The following RGS5 variants were observed in gnomAD, a reference collection of about 807,000 sequenced individuals.
RGS5 encodes the protein regulator of G-protein signalling 5.
RGS5 carries 20 observed loss-of-function variants against 18.9 expected under a neutral mutation model. The ratio of observed to expected loss-of-function variants is 1.06; its 90% CI spans 0.74 to 1.54. RGS5 has a LOEUF of 1.54. Among genes scored for constraint, RGS5 ranks in the 40% most tolerant of loss-of-function variants. RGS5 has a pLI of 0.00. For missense variants in RGS5, 201 were observed against 211.8 expected (o/e 0.95, Z 0.32); for synonymous variants, 57 against 76.2 (o/e 0.75, Z 1.31).
At chr1:163,277,441 G>A (rs1648885080) in intron 2 of RGS5, among the ~76,000 whole-genome samples, 1 of 152,080 alleles carries the variant, frequency 6.6e-6, no homozygotes, top group African/African-American at 2.4e-5. Flanking sequence ...ATACTTTTTG[G>A]TTCACACTAT....
intron 3 of RGS5, among the ~76,000 whole-genome samples, chr1:163,158,972 C>G (rs549090381): frequency 9.2e-5 from 14 of 152,286 alleles, no homozygotes; most frequent in African/African-American, 3.4e-4. Flanking sequence ...CTCAGGGACA[C>G]ATTCTCTTTC....
chr1:163,312,864 G>T (rs546425019), intron 1 of RGS5, among the ~76,000 whole-genome samples: 2 of 152,288 alleles, frequency 1.3e-5, no homozygotes, highest in Admixed American at 6.5e-5. Flanking sequence ...CTGGTTGATG[G>T]CATGATGGCT....
chr1:163,282,992 G>T (rs1178862988), intron 2 of RGS5, among the ~76,000 whole-genome samples: 2 of 152,190 alleles, frequency 1.3e-5, no homozygotes, highest in Non-Finnish European at 2.9e-5. Context: ...CAACATGGAT[G>T]AGACTGGAGT....
chr1:163,197,561 C>T (rs1004862917), intron 1 of RGS5, among the ~76,000 whole-genome samples: 2 of 152,100 alleles, frequency 1.3e-5, no homozygotes, highest in Non-Finnish European at 2.9e-5. Flanking sequence ...GTCTTTCATC[C>T]ATATGCCTAA....
At chr1:163,234,694 T>C (rs1340451477) in intron 2 of RGS5, among the ~76,000 whole-genome samples, 1 of 152,230 alleles carries the variant, frequency 6.6e-6, no homozygotes, top group African/African-American at 2.4e-5. Flanking sequence ...TGTTATCTAT[T>C]ATTGTGTAAT....
At chr1:163,172,065 T>A (rs1015988004) in intron 1 of RGS5, among the ~76,000 whole-genome samples, 4 of 152,178 alleles carry the variant, frequency 2.6e-5, no homozygotes, top group African/African-American at 9.7e-5. Flanking sequence ...GTGCGTGTTA[T>A]TTTAAGGGAT....
chr1:163,171,939 G>A (rs551694971), intron 1 of RGS5, among the ~76,000 whole-genome samples: 1 of 152,298 alleles, frequency 6.6e-6, no homozygotes, highest in South Asian at 2.1e-4. Context: ...GAGCACCAGT[G>A]TCCACAACGG....
At chr1:163,232,006 G>A (rs1010441296) in intron 2 of RGS5, among the ~76,000 whole-genome samples, 4 of 151,920 alleles carry the variant, frequency 2.6e-5, no homozygotes, top group African/African-American at 4.8e-5. Flanking sequence ...TATGAGACCT[G>A]GACTCTAGAG....
At chr1:163,196,168 A>G (rs1659557849) in intron 1 of RGS5, among the ~76,000 whole-genome samples, 1 of 152,164 alleles carries the variant, frequency 6.6e-6, no homozygotes, top group South Asian at 2.1e-4. Context: ...CCTTCAAAGT[A>G]GTGCAGATGC....
Position 163,170,525 on chromosome 1 carries a change from A to G in RGS5, c.45-2157T>C, listed in dbSNP as rs568582517. On this transcript the variant is annotated intron_variant, in intron 1 of 4. Coordinates refer to ENST00000313961, the MANE Select transcript of RGS5 (RefSeq NM_003617.4). ...ATTTGTTCACAGGGAGGCTGTGATG[A>G]GGCAATTTAAGTAAATGCCTAAGAT... 4.1e-3 allele frequency among the ~76,000 whole-genome samples: 624 copies of G among 152,286 alleles called. 3 individuals carry two copies. Among genetic ancestry groups the G allele is most frequent in the Middle Eastern group, 0.017 (5 of 294 alleles).
At chr1:163,148,295 G>T (rs1021504955) in intron 4 of RGS5, among the ~76,000 whole-genome samples, 2 of 152,096 alleles carry the variant, frequency 1.3e-5, no homozygotes, top group African/African-American at 4.8e-5. Context: ...TGAACAGAGA[G>T]AAGTAAATTC....
intron 2 of RGS5, among the ~76,000 whole-genome samples, chr1:163,276,213 C>T (rs1571335064): frequency 6.6e-6 from 1 of 152,020 alleles, no homozygotes; most frequent in East Asian, 1.9e-4. Flanking sequence ...AGGCTGGTCT[C>T]GAACTCCCGA....
At chr1:163,154,671 T>A (rs550209725) in intron 3 of RGS5, among the ~76,000 whole-genome samples, 74 of 152,004 alleles carry the variant, frequency 4.9e-4, no homozygotes, top group Non-Finnish European at 8.1e-4. Context: ...TCAGGTGTAT[T>A]TTCTCTCTCT....
intron 1 of RGS5, among the ~76,000 whole-genome samples, chr1:163,312,982 G>A (rs1190408651): frequency 1.3e-5 from 2 of 152,226 alleles, no homozygotes; most frequent in Middle Eastern, 3.4e-3. Context: ...CTAATCACCT[G>A]CATGGTTTAC....
intron 2 of RGS5, among the ~76,000 whole-genome samples, chr1:163,235,068 C>T (rs1241761335): frequency 6.6e-6 from 1 of 152,176 alleles, no homozygotes; most frequent in Non-Finnish European, 1.5e-5. Flanking sequence ...AATTCTTTCT[C>T]CAAATAGGAG....
chr1:163,189,598 T>G (rs1347269608), intron 1 of RGS5, among the ~76,000 whole-genome samples: 1 of 152,186 alleles, frequency 6.6e-6, no homozygotes, highest in East Asian at 1.9e-4. Flanking sequence ...GGACCTTAAC[T>G]AAGTCCTTCC....
At chr1:163,170,765 A>C (rs1658263093) in intron 1 of RGS5, among the ~76,000 whole-genome samples, 1 of 152,190 alleles carries the variant, frequency 6.6e-6, no homozygotes. Flanking sequence ...GACTAAAGCC[A>C]ACTCAGGTCC....
chr1:163,232,890 C>T (rs1433359085), intron 2 of RGS5, among the ~76,000 whole-genome samples: 1 of 152,154 alleles, frequency 6.6e-6, no homozygotes, highest in African/African-American at 2.4e-5. Flanking sequence ...TCTTTTAAAA[C>T]CACTGTATAT....
intron 2 of RGS5, among the ~76,000 whole-genome samples, chr1:163,246,170 A>G (rs1647929373): frequency 3.3e-5 from 5 of 151,536 alleles, no homozygotes; most frequent in South Asian, 2.1e-4. Flanking sequence ...GCAGTGAGCC[A>G]AGATCGCGCC....
Sources: allele counts gnomAD v4.1 joint callset (sites outside exome capture counted in the v4.1 genomes callset), GRCh38; gene constraint gnomAD v4.1.1; transcripts MANE v1.5; gene names NCBI Gene and HGNC (gene_info 2026-07-23, HGNC 2026-07-21).